ALCAM: variants seen among roughly 807,000 people sequenced by gnomAD.
ALCAM encodes the protein CD166 antigen.
In ALCAM, 30 loss-of-function variants were observed where a neutral mutation model predicts 70.9. The observed-to-expected ratio is 0.42, with a 90% CI of 0.32 to 0.57. The LOEUF (loss-of-function observed/expected upper bound fraction) is 0.57. Among genes scored for constraint, ALCAM ranks in the 20% least tolerant of loss-of-function variants. ALCAM has a pLI of 0.11. For missense variants in ALCAM, 591 were observed against 695.1 expected, an observed-to-expected ratio of 0.85 and a Z score of 1.68; for synonymous variants, 249 against 242.5, an observed-to-expected ratio of 1.03 and a Z score of -0.25.
At chr3:105,475,173 G>A (rs1938071593) in intron 1 of ALCAM, among the ~76,000 whole-genome samples, 2 of 151,846 alleles carry the variant, frequency 1.3e-5, no homozygotes, top group South Asian at 2.1e-4. Flanking sequence ...ATAGGCTAAG[G>A]GGGTTGTTTT....
chr3:105,369,652 G>A (rs1935175700), intron 1 of ALCAM, among the ~76,000 whole-genome samples: 1 of 152,208 alleles, frequency 6.6e-6, no homozygotes, highest in Admixed American at 6.5e-5. Flanking sequence ...CCAAAGGCCG[G>A]CTTCATTTGA....
At chr3:105,408,267 A>C (rs1205787660) in intron 1 of ALCAM, among the ~76,000 whole-genome samples, 1 of 152,146 alleles carries the variant, frequency 6.6e-6, no homozygotes, top group Non-Finnish European at 1.5e-5. Flanking sequence ...AAAAAGAACA[A>C]ATCTGGAGGC....
intron 1 of ALCAM, among the ~76,000 whole-genome samples, chr3:105,391,273 G>A (rs1316431450): frequency 1.3e-5 from 2 of 151,952 alleles, no homozygotes; most frequent in South Asian, 4.1e-4. Context: ...TTATTTCCTT[G>A]AGAAGTGGTT....
chr3:105,407,462 A>G (rs1559781212), intron 1 of ALCAM, among the ~76,000 whole-genome samples: 1 of 152,170 alleles, frequency 6.6e-6, no homozygotes, highest in Non-Finnish European at 1.5e-5. Flanking sequence ...AGAATTAACA[A>G]CAAAAATCAC....
chr3:105,455,526 C>T (rs895075187), intron 1 of ALCAM, among the ~76,000 whole-genome samples: 1 of 151,288 alleles, frequency 6.6e-6, no homozygotes, highest in Non-Finnish European at 1.5e-5. Context: ...AAATGGTACA[C>T]ACGAATAACA....
chr3:105,544,231 A>G (rs1940188779), intron 8 of ALCAM, among the ~76,000 whole-genome samples: 1 of 151,546 alleles, frequency 6.6e-6, no homozygotes, highest in South Asian at 2.1e-4. Context: ...ATTACTCACC[A>G]TTACAAAATC....
intron 14 of ALCAM, chr3:105,552,798 G>C (rs183056368): frequency 2.2e-6 from 3 of 1,350,306 alleles, no homozygotes; most frequent in Non-Finnish European, 2.9e-6. Context: ...ACATGTGTCC[G>C]TTTATTTGTC....
chr3:105,490,231 C>T (rs1397706001), intron 1 of ALCAM, among the ~76,000 whole-genome samples: 1 of 152,092 alleles, frequency 6.6e-6, no homozygotes, highest in Non-Finnish European at 1.5e-5. Context: ...TTCTAAATAC[C>T]AACTGTTTGA....
At chr3:105,469,976 C>T (rs956519907) in intron 1 of ALCAM, among the ~76,000 whole-genome samples, 12 of 150,498 alleles carry the variant, frequency 8.0e-5, no homozygotes, top group South Asian at 2.1e-4. Flanking sequence ...ATTCTTACCT[C>T]ATAGGGGCAT....
chr3:105,523,296 A>T (rs566991249), intron 2 of ALCAM, among the ~76,000 whole-genome samples: 1 of 152,196 alleles, frequency 6.6e-6, no homozygotes, highest in Non-Finnish European at 1.5e-5. Context: ...ATGACTTAAG[A>T]AGAGGATTTG....
intron 1 of ALCAM, among the ~76,000 whole-genome samples, chr3:105,368,927 A>G (rs928707483): frequency 6.6e-6 from 1 of 152,188 alleles, no homozygotes; most frequent in African/African-American, 2.4e-5. Context: ...CCATAGTTCA[A>G]CCGGATTTAA....
At chr3:105,491,928 G>A (rs747337548) in intron 1 of ALCAM, among the ~76,000 whole-genome samples, 5 of 151,984 alleles carry the variant, frequency 3.3e-5, no homozygotes, top group African/African-American at 4.8e-5. Flanking sequence ...CACATGTTTC[G>A]GCATCTTTAC....
chr3:105,411,398 C>T (rs1420531638), intron 1 of ALCAM, among the ~76,000 whole-genome samples: 1 of 151,904 alleles, frequency 6.6e-6, no homozygotes, highest in Non-Finnish European at 1.5e-5. Context: ...GCAGAAGTAG[C>T]AGTAGAAATA....
intron 1 of ALCAM, among the ~76,000 whole-genome samples, chr3:105,416,506 TCA>T (rs748811239): frequency 6.6e-6 from 1 of 152,018 alleles, no homozygotes; most frequent in Non-Finnish European, 1.5e-5. Context: ...TATACTTAGC[TCA>T]GTTTATGGAT....
intron 1 of ALCAM, among the ~76,000 whole-genome samples, chr3:105,373,536 A>AT (rs1267950256): frequency 6.6e-6 from 1 of 152,274 alleles, no homozygotes; most frequent in Admixed American, 6.5e-5. Context: ...AGAAAAAAAA[A>AT]CTTTCCTGTA....
chr3:105,554,549 C>A (rs905230377), intron 14 of ALCAM, among the ~76,000 whole-genome samples: 2 of 151,970 alleles, frequency 1.3e-5, no homozygotes, highest in African/African-American at 4.8e-5. Flanking sequence ...TACCACATGA[C>A]CCAGTCAAGT....
At chr3:105,572,563 T>C (rs1940881501) in intron 15 of ALCAM, among the ~76,000 whole-genome samples, 1 of 152,162 alleles carries the variant, frequency 6.6e-6, no homozygotes, top group African/African-American at 2.4e-5. Context: ...TGTGTGTTTA[T>C]AGTAGAATGA....
chr3:105,540,172 G>T lies in ALCAM; in HGVS notation c.858+70G>T, dbSNP rs908100077. 77 of 1,422,130 alleles carry T rather than the reference G, an allele frequency of 5.4e-5. No individual in the cohort carries two copies. In the Admixed American group the frequency reaches 1.6e-3, roughly 29 times the overall value. The allele number at this position is 1,422,130 out of a possible 1,614,324, so 88.1% of individuals were successfully genotyped here. On this transcript the variant is annotated intron_variant, in intron 7 of 15. Transcript: ENST00000306107. ...CTGTTGTTTGACTTCTACATGGATA[G>T]ATTAAGTGAGAAAAAATGTTATTGC...
chr3:105,440,412 T>G (rs558653340), intron 1 of ALCAM, among the ~76,000 whole-genome samples: 13 of 152,206 alleles, frequency 8.5e-5, no homozygotes, highest in Non-Finnish European at 1.5e-4. Flanking sequence ...AGGCTTGTCT[T>G]ATTTTGCTTA....
Sources: gnomAD v4.1 joint callset for allele counts (sites outside exome capture counted in the v4.1 genomes callset) on GRCh38, gnomAD v4.1.1 for gene constraint, MANE v1.5 for transcripts, NCBI Gene and HGNC (gene_info 2026-07-23, HGNC 2026-07-21) for gene names.